The following MEMO1 variants were observed in gnomAD, a reference collection of about 807,000 sequenced individuals.
MEMO1 encodes mediator of cell motility 1, also known as protein MEMO1.
In MEMO1, 6 loss-of-function variants were observed where a neutral mutation model predicts 45.2. That is an observed-to-expected ratio of 0.13 (90% CI 0.07 to 0.26). The LOEUF (loss-of-function observed/expected upper bound fraction) is 0.26. Ranked by LOEUF, MEMO1 falls within the 10% of genes least tolerant of loss-of-function variation. The probability of loss-of-function intolerance (pLI) is 1.00; values close to 1 mark genes in which losing one functional copy is unlikely to be tolerated. For missense variants in MEMO1, 184 were observed against 370.5 expected (o/e 0.50, Z 4.13); for synonymous variants, 78 against 124.3 (o/e 0.63, Z 2.48).
At chr2:31,923,809 AG>A (rs1432589089) in intron 4 of MEMO1, 35 of 1,470,566 alleles carry the variant, frequency 2.4e-5, no homozygotes, top group Non-Finnish European at 1.6e-5. Flanking sequence ...AAATTTCCTA[AG>A]TAAGTGTAAT....
intron 5 of MEMO1, 137 bp downstream of exon 5, chr2:31,920,661 A>T: frequency 2.3e-6 from 1 of 427,922 alleles, no homozygotes; most frequent in African/African-American, 2.1e-5. Flanking sequence ...TTGCTGTTTT[A>T]TGCAGATTAG....
chr2:31,913,992 T>C (rs1185777619), intron 6 of MEMO1, among the ~76,000 whole-genome samples: 1 of 152,210 alleles, frequency 6.6e-6, no homozygotes, highest in Non-Finnish European at 1.5e-5. Flanking sequence ...TGGAAATTTC[T>C]ACTTTTGCTC....
At chr2:31,881,035 A>G (rs771606507) in intron 8 of MEMO1, among the ~76,000 whole-genome samples, 29 of 152,038 alleles carry the variant, frequency 1.9e-4, no homozygotes, top group Non-Finnish European at 3.5e-4. Flanking sequence ...CAAAAAAATA[A>G]AAAAAGAAAG....
At chr2:31,962,716 G>A (rs1004103204) in intron 2 of MEMO1, among the ~76,000 whole-genome samples, 1 of 152,156 alleles carries the variant, frequency 6.6e-6, no homozygotes, top group Non-Finnish European at 1.5e-5. Context: ...TCATCAAAGG[G>A]CATTCATTGA....
intron 2 of MEMO1, among the ~76,000 whole-genome samples, chr2:31,947,093 G>C (rs1279171885): frequency 6.6e-6 from 1 of 152,082 alleles, no homozygotes; most frequent in African/African-American, 2.4e-5. Context: ...CATTTCTCGA[G>C]TGCATCCCTG....
chr2:31,956,889 A>C (rs1291087851), intron 2 of MEMO1, among the ~76,000 whole-genome samples: 1 of 152,200 alleles, frequency 6.6e-6, no homozygotes, highest in African/African-American at 2.4e-5. Context: ...CACGCCTCTA[A>C]TCCCAGCACT....
chr2:31,980,155 G>C (rs894106594), intron 2 of MEMO1, among the ~76,000 whole-genome samples: 17 of 152,162 alleles, frequency 1.1e-4, no homozygotes, highest in Non-Finnish European at 1.9e-4. Context: ...TATTTTGCCA[G>C]GCATGGTGAC....
chr2:31,981,227 C>A (rs1370765314), intron 2 of MEMO1, among the ~76,000 whole-genome samples: 1 of 152,176 alleles, frequency 6.6e-6, no homozygotes, highest in Non-Finnish European at 1.5e-5. Context: ...TAGTTGAGAA[C>A]CACAGCAGGA....
intron 7 of MEMO1, among the ~76,000 whole-genome samples, chr2:31,883,712 G>A (rs1449296099): frequency 6.6e-6 from 1 of 152,000 alleles, no homozygotes; most frequent in Non-Finnish European, 1.5e-5. Flanking sequence ...AAAATCACCA[G>A]AAATACAAGA....
At chr2:31,945,094 G>T (rs893695260) in intron 2 of MEMO1, among the ~76,000 whole-genome samples, 1 of 151,960 alleles carries the variant, frequency 6.6e-6, no homozygotes, top group East Asian at 1.9e-4. Flanking sequence ...AACAATAAGT[G>T]GTATTGTTCT....
intron 8 of MEMO1, among the ~76,000 whole-genome samples, chr2:31,879,442 T>A (rs1375230081): frequency 5.3e-5 from 8 of 152,208 alleles, no homozygotes; most frequent in Non-Finnish European, 1.5e-5. Flanking sequence ...CTCTAAACAA[T>A]GGCATTAACA....
At chr2:31,996,594 T>C (rs1424662078) in intron 2 of MEMO1, among the ~76,000 whole-genome samples, 3 of 152,020 alleles carry the variant, frequency 2.0e-5, no homozygotes, top group Non-Finnish European at 4.4e-5. Context: ...CATCTATAGA[T>C]GGAAATTTCA....
At chr2:32,003,418 A>T (rs1048567788) in intron 2 of MEMO1, among the ~76,000 whole-genome samples, 1 of 152,230 alleles carries the variant, frequency 6.6e-6, no homozygotes, top group Non-Finnish European at 1.5e-5. Flanking sequence ...CCAAGGGAAA[A>T]AAAGCAAAGA....
At chr2:31,965,606 T>A (rs1430155633) in intron 2 of MEMO1, among the ~76,000 whole-genome samples, 1 of 152,118 alleles carries the variant, frequency 6.6e-6, no homozygotes, top group Admixed American at 6.6e-5. Context: ...CAAAACTCTT[T>A]TAAGTTTCAG....
chr2:31,989,560 A>C (rs1380068983), intron 2 of MEMO1, among the ~76,000 whole-genome samples: 1 of 152,242 alleles, frequency 6.6e-6, no homozygotes, highest in African/African-American at 2.4e-5. Flanking sequence ...GTGGAGGATA[A>C]ACCAACTAGA....
chr2:31,983,464 G>C (rs188549480), intron 2 of MEMO1, among the ~76,000 whole-genome samples: 1 of 151,882 alleles, frequency 6.6e-6, no homozygotes, highest in Non-Finnish European at 1.5e-5. Flanking sequence ...ACAGAGTTTC[G>C]CTCTTGTTGC....
At chr2:31,954,009 G>C (rs72860948) in intron 2 of MEMO1, among the ~76,000 whole-genome samples, 1 of 152,192 alleles carries the variant, frequency 6.6e-6, no homozygotes, top group African/African-American at 2.4e-5. Flanking sequence ...TAAATTCTAA[G>C]ACAAAAGTAT....
rs1040121892 is a variant in MEMO1 at position 31,912,028 on chromosome 2, G to C, written c.437+5898C>G. ...TGAATCTGAATTGAACCTCCCTCAA[G>C]AGCAATTATAAAAAGCAATTATAGG... On this transcript the variant is annotated intron_variant, in intron 6 of 9. Transcript: ENST00000404530. Among the ~76,000 whole-genome samples, 3 of 151,958 alleles carry C rather than the reference G, an allele frequency of 2.0e-5. No individual in the cohort carries two copies. In the South Asian group the frequency reaches 6.2e-4, roughly 32 times the overall value.
chr2:32,003,437 A>G (rs1673657823), intron 2 of MEMO1, among the ~76,000 whole-genome samples: 1 of 152,202 alleles, frequency 6.6e-6, no homozygotes, highest in African/African-American at 2.4e-5. Flanking sequence ...GAAATGTTCT[A>G]TTTCTTAACA....
Sources: allele counts gnomAD v4.1 joint callset (sites outside exome capture counted in the v4.1 genomes callset), GRCh38; gene constraint gnomAD v4.1.1; transcripts MANE v1.5; gene names NCBI Gene and HGNC (gene_info 2026-07-23, HGNC 2026-07-21).